CNTNAP2: variants seen among roughly 807,000 people sequenced by gnomAD.
The protein encoded by CNTNAP2 is contactin associated protein 2.
A neutral mutation model predicts 155.2 loss-of-function variants in CNTNAP2; 98 were observed. The observed-to-expected ratio is 0.63, with a 90% CI of 0.54 to 0.75. The LOEUF (loss-of-function observed/expected upper bound fraction) is 0.75, where lower values mean the gene tolerates loss of function less well. Ranked by LOEUF, CNTNAP2 falls within the 30% of genes least tolerant of loss-of-function variation. CNTNAP2 has a pLI of 0.00. For synonymous variants in CNTNAP2, 651 were observed against 631.2 expected (o/e 1.03, Z -0.47); for missense variants, 1,727 against 1,688.1 (o/e 1.02, Z -0.40).
chr7:146,605,272 C>G (rs1799027562), intron 1 of CNTNAP2, among the ~76,000 whole-genome samples: 1 of 150,994 alleles, frequency 6.6e-6, no homozygotes, highest in Non-Finnish European at 1.5e-5. Context: ...TATTATTGTA[C>G]TTGTTCCATA....
chr7:146,769,730 C>T (rs1802260071), intron 1 of CNTNAP2, among the ~76,000 whole-genome samples: 1 of 152,146 alleles, frequency 6.6e-6, no homozygotes, highest in African/African-American at 2.4e-5. Context: ...TGGAAACTCA[C>T]TCTGTAAAAG....
intron 2 of CNTNAP2, among the ~76,000 whole-genome samples, chr7:146,831,939 A>G (rs1170203516): frequency 8.5e-5 from 13 of 152,126 alleles, no homozygotes; most frequent in Admixed American, 5.9e-4. Flanking sequence ...CCTTATTTAT[A>G]TAAGTATTAA....
At chr7:147,617,096 G>A (rs1442409274) in intron 12 of CNTNAP2, among the ~76,000 whole-genome samples, 1 of 152,056 alleles carries the variant, frequency 6.6e-6, no homozygotes, top group Non-Finnish European at 1.5e-5. Flanking sequence ...TCTCCAGGGT[G>A]TGTGTTCTGA....
intron 3 of CNTNAP2, among the ~76,000 whole-genome samples, chr7:146,851,700 G>GTGTGTGTT (rs1794882755): frequency 1.5e-5 from 2 of 129,760 alleles, no homozygotes; most frequent in South Asian, 4.9e-4. Context: ...GTGTGTGTGT[G>GTGTGTGTT]TTTTGATGGT....
rs563733441 is a variant in CNTNAP2 at position 146,374,559 on chromosome 7, A to T, written c.97+257586A>T. ...GTTCTTAGTAGGAGGCCTTTGATGT[A>T]GCTGAATAAGTGTGTAACTGATGTG... On this transcript the variant is annotated intron_variant, in intron 1 of 23. Transcript: ENST00000361727. Among the ~76,000 whole-genome samples, 8 of 152,322 alleles carry T rather than the reference A, an allele frequency of 5.3e-5. No homozygotes were observed. In the East Asian group the frequency reaches 7.7e-4, roughly 15 times the overall value.
rs75208460 is a variant in CNTNAP2 at position 147,746,719 on chromosome 7, C to A, written c.2098+107413C>A. Among the ~76,000 whole-genome samples, 37 of 152,010 alleles carry A rather than the reference C, an allele frequency of 2.4e-4. 1 individual carries two copies. Among genetic ancestry groups the A allele is most frequent in the South Asian group, 1.7e-3 (8 of 4,822 alleles). ...TCACTGCTGTGGTTACCACCCCAAC[C>A]CTGACTGCTGCCTTAAAATACACGC... is the stretch of plus-strand genomic sequence containing the variant. On this transcript the variant is annotated intron_variant, in intron 13 of 23. Transcript: ENST00000361727.
intron 15 of CNTNAP2, among the ~76,000 whole-genome samples, chr7:148,108,647 A>G (rs1804277341): frequency 6.6e-6 from 1 of 151,534 alleles, no homozygotes; most frequent in Non-Finnish European, 1.5e-5. Context: ...ATCTAAAACA[A>G]CAGACTCAGA....
chr7:147,048,067 A>ATT (rs11352009), intron 4 of CNTNAP2, among the ~76,000 whole-genome samples: 506 of 90,326 alleles, frequency 5.6e-3, no homozygotes, highest in Non-Finnish European at 7.7e-3. Flanking sequence ...CGGAGAGACA[A>ATT]TTTTTTTTTT....
intron 3 of CNTNAP2, among the ~76,000 whole-genome samples, chr7:146,947,611 C>G (rs909185449): frequency 3.0e-5 from 4 of 134,884 alleles, no homozygotes; most frequent in Non-Finnish European, 6.2e-5. Flanking sequence ...ATATATCTTT[C>G]AAAATATTTC....
At chr7:147,359,207 T>TA (rs1477630723) in intron 9 of CNTNAP2, among the ~76,000 whole-genome samples, 1 of 152,150 alleles carries the variant, frequency 6.6e-6, no homozygotes, top group Admixed American at 6.5e-5. Flanking sequence ...TCCACCTCTG[T>TA]AAATGGCCGC....
intron 13 of CNTNAP2, among the ~76,000 whole-genome samples, chr7:147,739,535 C>G (rs773085913): frequency 1.3e-5 from 2 of 151,944 alleles, no homozygotes; most frequent in African/African-American, 4.8e-5. Context: ...TAGGAATTTT[C>G]AGGGTTCTTA....
At chr7:147,623,007 A>G (rs1468390554) in intron 12 of CNTNAP2, among the ~76,000 whole-genome samples, 1 of 152,102 alleles carries the variant, frequency 6.6e-6, no homozygotes, top group African/African-American at 2.4e-5. Flanking sequence ...ATAAATTGGT[A>G]AATCTAGGAA....
chr7:147,668,145 C>A (rs1052402988), intron 13 of CNTNAP2, among the ~76,000 whole-genome samples: 2 of 151,994 alleles, frequency 1.3e-5, no homozygotes, highest in Non-Finnish European at 2.9e-5. Flanking sequence ...GAAGAAGAGG[C>A]AACAGAAAAG....
chr7:146,724,897 ATTAG>A (rs1801404561), intron 1 of CNTNAP2, among the ~76,000 whole-genome samples: 1 of 152,024 alleles, frequency 6.6e-6, no homozygotes, highest in African/African-American at 2.4e-5. Context: ...TGTCCAGTGT[ATTAG>A]TTCTTAGGGC....
chr7:147,722,531 T>C (rs1796580172), intron 13 of CNTNAP2, among the ~76,000 whole-genome samples: 2 of 152,108 alleles, frequency 1.3e-5, no homozygotes, highest in South Asian at 4.1e-4. Flanking sequence ...AACAAGCATA[T>C]GAAGGGAAAT....
At chr7:148,005,594 G>A (rs1310642322) in intron 15 of CNTNAP2, among the ~76,000 whole-genome samples, 1 of 152,064 alleles carries the variant, frequency 6.6e-6, no homozygotes, top group Non-Finnish European at 1.5e-5. Flanking sequence ...AATGCTGAGT[G>A]GCACCAAGAG....
intron 22 of CNTNAP2, among the ~76,000 whole-genome samples, chr7:148,385,755 T>G (rs1233431365): frequency 1.4e-4 from 13 of 91,968 alleles, no homozygotes; most frequent in East Asian, 4.3e-4. Context: ...TTTTTTTTTT[T>G]TTTTTGGAGA....
intron 10 of CNTNAP2, among the ~76,000 whole-genome samples, chr7:147,469,159 G>A (rs1798169043): frequency 1.3e-5 from 2 of 152,018 alleles, no homozygotes; most frequent in South Asian, 4.2e-4. Context: ...ACACAAAAGA[G>A]CTATAAAATT....
At chr7:146,748,425 G>A (rs901388532) in intron 1 of CNTNAP2, among the ~76,000 whole-genome samples, 4 of 152,010 alleles carry the variant, frequency 2.6e-5, no homozygotes, top group Non-Finnish European at 5.9e-5. Flanking sequence ...GATTACAGGC[G>A]TGACCCACCG....
Sources: gnomAD v4.1 joint callset for allele counts (sites outside exome capture counted in the v4.1 genomes callset) on GRCh38, gnomAD v4.1.1 for gene constraint, MANE v1.5 for transcripts, NCBI Gene and HGNC (gene_info 2026-07-23, HGNC 2026-07-21) for gene names.